The following KCNT2 variants were observed in gnomAD, a reference collection of about 807,000 sequenced individuals.
The protein encoded by KCNT2 is potassium sodium-activated channel subfamily T member 2.
In KCNT2, 67 loss-of-function variants were observed where a neutral mutation model predicts 153.8. The observed-to-expected ratio is 0.44, with a 90% CI of 0.36 to 0.53. The LOEUF (loss-of-function observed/expected upper bound fraction) is 0.53. Among genes scored for constraint, KCNT2 ranks in the 20% least tolerant of loss-of-function variants. The pLI, the probability that KCNT2 is intolerant of heterozygous loss-of-function variation, is 0.00. For synonymous variants in KCNT2, 500 were observed against 458.8 expected (o/e 1.09, Z -1.15); for missense variants, 975 against 1,354.8 (o/e 0.72, Z 4.40).
intron 25 of KCNT2, among the ~76,000 whole-genome samples, chr1:196,272,499 A>G (rs1008470661): frequency 6.6e-6 from 1 of 151,870 alleles, no homozygotes; most frequent in Non-Finnish European, 1.5e-5. Context: ...TACCCAATAA[A>G]TATTTGTAAT....
chr1:196,364,396 C>A (rs945186565), intron 14 of KCNT2, among the ~76,000 whole-genome samples: 2 of 152,242 alleles, frequency 1.3e-5, no homozygotes, highest in East Asian at 3.9e-4. Context: ...AATAATTTTG[C>A]CTTGTAACAC....
At chr1:196,560,132 C>T (rs1051214634) in intron 1 of KCNT2, among the ~76,000 whole-genome samples, 54 of 151,970 alleles carry the variant, frequency 3.6e-4, no homozygotes, top group African/African-American at 1.2e-3. Flanking sequence ...AGGAACTGCA[C>T]TAAACTTGGC....
intron 16 of KCNT2, among the ~76,000 whole-genome samples, chr1:196,339,520 C>CACACACAG (rs1005738965): frequency 9.4e-5 from 13 of 138,016 alleles, no homozygotes; most frequent in Middle Eastern, 3.7e-3. Context: ...CACACACACA[C>CACACACAG]AGAGAGAGAG....
At chr1:196,378,555 A>C (rs2148354959) in intron 13 of KCNT2, among the ~76,000 whole-genome samples, 1 of 151,924 alleles carries the variant, frequency 6.6e-6, no homozygotes, top group South Asian at 2.1e-4. Flanking sequence ...TAAATGGCTA[A>C]TAGACATACT....
chr1:196,593,311 T>TATACACACACACAC (rs1256165838), intron 1 of KCNT2, among the ~76,000 whole-genome samples: 18 of 140,208 alleles, frequency 1.3e-4, no homozygotes, highest in African/African-American at 3.9e-4. Context: ...TATATATATA[T>TATACACACACACAC]ACACACACAC....
intron 8 of KCNT2, among the ~76,000 whole-genome samples, chr1:196,434,101 G>T (rs924257933): frequency 2.6e-5 from 4 of 151,930 alleles, no homozygotes; most frequent in Non-Finnish European, 4.4e-5. Flanking sequence ...CAGTTTATTG[G>T]CTCAGCTGCC....
intron 1 of KCNT2, among the ~76,000 whole-genome samples, chr1:196,562,822 T>C (rs1289556677): frequency 6.6e-6 from 1 of 151,722 alleles, no homozygotes; most frequent in Non-Finnish European, 1.5e-5. Context: ...CCAAACGAAA[T>C]ACCTGAATAC....
chr1:196,461,799 G>A (rs1677177572), intron 8 of KCNT2, among the ~76,000 whole-genome samples: 1 of 151,638 alleles, frequency 6.6e-6, no homozygotes, highest in South Asian at 2.1e-4. Context: ...ATTTCCCATA[G>A]AGAGTGGGTC....
chr1:196,341,916 C>T (rs1398744857), intron 15 of KCNT2, among the ~76,000 whole-genome samples, 163 bp downstream of exon 15: 2 of 152,098 alleles, frequency 1.3e-5, no homozygotes, highest in East Asian at 1.9e-4. Context: ...AGAGACCATA[C>T]AGACACCAGG....
intron 1 of KCNT2, among the ~76,000 whole-genome samples, chr1:196,589,590 A>G (rs1663097683): frequency 6.6e-6 from 1 of 152,070 alleles, no homozygotes. Flanking sequence ...GCCCCTTCAT[A>G]ATCAATCTAA....
chr1:196,431,410 C>T (rs554274436), intron 8 of KCNT2, among the ~76,000 whole-genome samples: 8 of 152,064 alleles, frequency 5.3e-5, no homozygotes, highest in African/African-American at 1.9e-4. Flanking sequence ...GGTGAAGGCT[C>T]AGAAGAAGAG....
intron 22 of KCNT2, among the ~76,000 whole-genome samples, chr1:196,297,773 AC>A (rs1660809090): frequency 6.6e-6 from 1 of 152,184 alleles, no homozygotes; most frequent in Non-Finnish European, 1.5e-5. Context: ...CTGTTCCAGA[AC>A]CTAGATTATG....
At chr1:196,541,034 C>T (rs558008757) in intron 1 of KCNT2, among the ~76,000 whole-genome samples, 5 of 151,756 alleles carry the variant, frequency 3.3e-5, no homozygotes, top group Admixed American at 3.3e-4. Context: ...CCACTGCACT[C>T]CAGCCTGGGT....
intron 22 of KCNT2, among the ~76,000 whole-genome samples, chr1:196,303,500 C>T (rs777633020): frequency 3.3e-5 from 5 of 152,070 alleles, no homozygotes; most frequent in Admixed American, 6.6e-5. Context: ...GACCTTGCTA[C>T]GTCAACTGAC....
chr1:196,558,755 T>A (rs566818984), intron 1 of KCNT2, among the ~76,000 whole-genome samples: 1 of 151,496 alleles, frequency 6.6e-6, no homozygotes, highest in Non-Finnish European at 1.5e-5. Context: ...TTTCTCAGAG[T>A]TAAAATATTT....
chr1:196,257,383 G>A (rs1571819428), intron 26 of KCNT2: 3 of 976,344 alleles, frequency 3.1e-6, no homozygotes, highest in East Asian at 1.1e-4. Context: ...CAAGAGAAAA[G>A]GGTAAATATG....
chr1:196,310,830 A>G (rs1383163964), intron 21 of KCNT2, among the ~76,000 whole-genome samples: 1 of 151,812 alleles, frequency 6.6e-6, no homozygotes, highest in Non-Finnish European at 1.5e-5. Flanking sequence ...TTATTCTTCA[A>G]TGATTTCCTA....
At chr1:196,433,095 C>T (rs867730256) in intron 8 of KCNT2, among the ~76,000 whole-genome samples, 24 of 152,134 alleles carry the variant, frequency 1.6e-4, no homozygotes, top group Admixed American at 1.4e-3. Context: ...GCCCTTCTGC[C>T]TTGGGAGGAT....
chr1:196,445,046 A>G (rs1252369450), intron 8 of KCNT2, among the ~76,000 whole-genome samples: 1 of 151,340 alleles, frequency 6.6e-6, no homozygotes, highest in East Asian at 1.9e-4. Context: ...TTTTGCTTAA[A>G]TTTATTTTAC....
Sources: gnomAD v4.1 joint callset for allele counts (sites outside exome capture counted in the v4.1 genomes callset) on GRCh38, gnomAD v4.1.1 for gene constraint, MANE v1.5 for transcripts, NCBI Gene and HGNC (gene_info 2026-07-23, HGNC 2026-07-21) for gene names.